EBAG9: variants seen among roughly 807,000 people sequenced by gnomAD.
The protein encoded by EBAG9 is estrogen receptor binding site associated antigen 9.
In EBAG9, 16 loss-of-function variants were observed where a neutral mutation model predicts 30.9. That is an observed-to-expected ratio of 0.52 (90% confidence interval 0.35 to 0.79). The LOEUF (loss-of-function observed/expected upper bound fraction) is 0.79, where lower values mean the gene tolerates loss of function less well. EBAG9 is among the 30% of genes least tolerant of loss of function. The pLI is 0.01. For missense variants in EBAG9, 197 were observed against 242.1 expected, an observed-to-expected ratio of 0.81 and a Z score of 1.24; for synonymous variants, 93 against 82.8, an observed-to-expected ratio of 1.12 and a Z score of -0.67.
intron 1 of EBAG9, among the ~76,000 whole-genome samples, chr8:109,545,848 C>T (rs2131101928): frequency 6.6e-6 from 1 of 152,262 alleles, no homozygotes; most frequent in East Asian, 1.9e-4. Context: ...AGTTCTATAA[C>T]TTATCAGTTC....
intron 1 of EBAG9, among the ~76,000 whole-genome samples, chr8:109,547,274 A>G (rs1269303283): frequency 6.6e-6 from 1 of 152,168 alleles, no homozygotes; most frequent in African/African-American, 2.4e-5. Context: ...TTGTTTTTCA[A>G]AGTGGTTGTA....
intron 2 of EBAG9, 24 bp from the exon 3 acceptor site, chr8:109,553,841 T>C: frequency 6.3e-7 from 1 of 1,586,860 alleles, no homozygotes; most frequent in Non-Finnish European, 8.6e-7. Context: ...GTTCTTGAAA[T>C]AAATTATTTC....
intron 1 of EBAG9, among the ~76,000 whole-genome samples, chr8:109,544,333 GT>G (rs919472725): frequency 1.3e-5 from 2 of 152,052 alleles, no homozygotes; most frequent in Non-Finnish European, 1.5e-5. Flanking sequence ...ATTACTGTAT[GT>G]TTTTTCTTTT....
intron 2 of EBAG9, among the ~76,000 whole-genome samples, chr8:109,553,013 T>A (rs1039440947): frequency 3.3e-5 from 5 of 152,152 alleles, no homozygotes; most frequent in Admixed American, 1.3e-4. Flanking sequence ...CAAATATAGC[T>A]TTGAATCTGT....
At position 109,561,384 on chromosome 8, in the gene EBAG9, A is replaced by G. The variant is rs182664489; in HGVS notation, c.521+455A>G. 2.6e-3 allele frequency among the ~76,000 whole-genome samples: 388 copies of G among 152,114 alleles called. 5 individuals are homozygous for G. The highest frequency in any genetic ancestry group is 0.019 in the Admixed American group (285 of 15,272). ...TATGTGACACTCTACATTTGTACAT[A>G]TATCTTAAATGATGTCCATGAAAGC... On this transcript the variant is annotated intron_variant, in intron 6 of 6. Transcript: ENST00000337573.
intron 4 of EBAG9, 80 bp downstream of exon 4, chr8:109,554,967 T>C: frequency 7.1e-7 from 1 of 1,409,632 alleles, no homozygotes; most frequent in East Asian, 2.3e-5. Context: ...CAATTCACAT[T>C]TATTAGAAAG....
rs1441577085 is a variant in EBAG9 at position 109,548,872 on chromosome 8, AT to A, written c.-15-1931del. ...TCTGGATGCCTTTTATTTCTTTTCT[AT>A]TTTTTTCTTTTTTCTTTTTTTTTTT... On this transcript the variant is annotated intron_variant, in intron 1 of 6. Transcript: ENST00000337573. Among the ~76,000 whole-genome samples, 23 of 119,922 alleles carry A rather than the reference AT, an allele frequency of 1.9e-4. No homozygotes were observed. In the East Asian group the frequency reaches 4.5e-3, roughly 24 times the overall value. The allele number at this position is 119,922 out of a possible 152,430, so 78.7% of individuals were successfully genotyped here. A position where few individuals can be genotyped will look rare whatever the true frequency, so the allele number is the denominator to read the frequency against.
intron 1 of EBAG9, among the ~76,000 whole-genome samples, chr8:109,545,666 T>A (rs895355484): frequency 6.6e-6 from 1 of 152,050 alleles, no homozygotes; most frequent in Non-Finnish European, 1.5e-5. Context: ...CCCAGCATAG[T>A]TTTATCATTT....
rs199580138 is a variant in EBAG9, at chr8:109,553,878, C to T, written c.97C>T (p.Arg33Trp). The change falls in exon 3 of 7, where the codon CGG becomes TGG. Residue 33 changes from arginine (R) to tryptophan (W), a missense_variant. Transcript: ENST00000337573. ...KRLICRSGRG[R>W]KLSGDQITLP... is the part of the protein sequence containing the mutation. ...TTTTTGTTTCAGATCTGGCAGAGGA[C>T]GGAAATTAAGTGGAGACCAAATAAC... 2.4e-5 allele frequency: 39 copies of T among 1,606,442 alleles called. No individual in the cohort carries two copies. In the African/African-American group the frequency reaches 3.1e-4, roughly 13 times the overall value.
rs1401066740 is a variant in EBAG9 at position 109,550,890 on chromosome 8, A to G, written c.66A>G (p.Leu22=). The G allele has an allele frequency of 1.3e-6, 2 of 1,586,568 alleles. No individual in the cohort carries two copies. The highest frequency in any genetic ancestry group is 1.7e-5 in the Admixed American group (1 of 58,382). ...GCCTAGCAACAGTATTCTCATTCCT[A>G]AAGAGATTAATATGCAGGTAAATAA... ...CTCLATVFSF[L]KRLICRSGRG... Residue 22 remains leucine (L), a synonymous_variant, in exon 2 of 7, where the codon CTA becomes CTG. Coordinates refer to ENST00000337573, the MANE Select transcript of EBAG9 (RefSeq NM_004215.5).
chr8:109,562,636 T>C (rs1821733082), intron 6 of EBAG9, among the ~76,000 whole-genome samples: 1 of 151,850 alleles, frequency 6.6e-6, no homozygotes, highest in African/African-American at 2.4e-5. Flanking sequence ...TCTGGATAGG[T>C]AAAATGTATT....
intron 4 of EBAG9, among the ~76,000 whole-genome samples, chr8:109,555,799 C>T (rs1230943384): frequency 2.6e-5 from 4 of 152,180 alleles, no homozygotes; most frequent in South Asian, 2.1e-4. Context: ...TGAGTATTTT[C>T]GTTTTTATTT....
At chr8:109,550,975 C>A in intron 2 of EBAG9, 68 bp downstream of exon 2, 1 of 1,050,384 alleles carries the variant, frequency 9.5e-7, no homozygotes, top group South Asian at 1.4e-5. Context: ...TTCAAAACTT[C>A]AAATTTCGTG....
chr8:109,561,318 T>A (rs1185944944), intron 6 of EBAG9, among the ~76,000 whole-genome samples: 1 of 151,902 alleles, frequency 6.6e-6, no homozygotes, highest in African/African-American at 2.4e-5. Context: ...CCTCATGATC[T>A]AGCATAGTGC....
At chr8:109,550,694 A>G (rs1821475274) in intron 1 of EBAG9, 116 bp from the exon 2 acceptor site, 7 of 654,404 alleles carry the variant, frequency 1.1e-5, no homozygotes, top group East Asian at 5.7e-5. Context: ...TATAGTTTCT[A>G]GAGAAAGGTA....
chr8:109,563,272 G>C, intron 6 of EBAG9: 1 of 1,038,586 alleles, frequency 9.6e-7, no homozygotes. Flanking sequence ...CCCAGACATA[G>C]ATAATCCACT....
intron 6 of EBAG9, among the ~76,000 whole-genome samples, chr8:109,562,977 C>T (rs1009384413): frequency 6.6e-6 from 1 of 152,036 alleles, no homozygotes; most frequent in South Asian, 2.1e-4. Context: ...CGTTATCTTA[C>T]TTGTTTATAA....
chr8:109,548,173 A>G (rs1040728576), intron 1 of EBAG9, among the ~76,000 whole-genome samples: 1 of 152,032 alleles, frequency 6.6e-6, no homozygotes, highest in Non-Finnish European at 1.5e-5. Context: ...TGCCAGATAT[A>G]TATAGAAGGT....
At chr8:109,544,282 T>C (rs901233063) in intron 1 of EBAG9, among the ~76,000 whole-genome samples, 7 of 152,330 alleles carry the variant, frequency 4.6e-5, no homozygotes, top group African/African-American at 1.4e-4. Flanking sequence ...AGTCCAAATA[T>C]ACTGCTTGTG....
Sources: allele counts gnomAD v4.1 joint callset (sites outside exome capture counted in the v4.1 genomes callset), GRCh38; gene constraint gnomAD v4.1.1; transcripts MANE v1.5; gene names NCBI Gene and HGNC (gene_info 2026-07-23, HGNC 2026-07-21).